PCSK5: variants seen among roughly 807,000 people sequenced by gnomAD.
PCSK5 encodes prohormone convertase 5.
PCSK5 carries 129 observed loss-of-function variants against 233.2 expected under a neutral mutation model. The observed-to-expected ratio is 0.55, with a 90% CI of 0.48 to 0.64. The LOEUF is 0.64. Ranked by LOEUF, PCSK5 falls within the 30% of genes least tolerant of loss-of-function variation. PCSK5 has a pLI of 0.00. For synonymous variants in PCSK5, 825 were observed against 879.2 expected, an observed-to-expected ratio of 0.94 and a Z score of 1.09; for missense variants, 2,076 against 2,430.1, an observed-to-expected ratio of 0.85 and a Z score of 3.06.
chr9:76,058,058 A>T (rs1362018331), intron 5 of PCSK5, among the ~76,000 whole-genome samples: 1 of 152,038 alleles, frequency 6.6e-6, no homozygotes, highest in Non-Finnish European at 1.5e-5. Context: ...CATGTTGCTT[A>T]GGCTGGTCTC....
At chr9:76,325,151 G>A (rs896864964) in intron 32 of PCSK5, among the ~76,000 whole-genome samples, 1 of 152,140 alleles carries the variant, frequency 6.6e-6, no homozygotes, top group Non-Finnish European at 1.5e-5. Flanking sequence ...GAAGAGGCGG[G>A]TGTTCGTGTG....
chr9:76,192,067 C>CAAAAAAAA (rs5898457), intron 20 of PCSK5, among the ~76,000 whole-genome samples: 15 of 101,174 alleles, frequency 1.5e-4, no homozygotes, highest in African/African-American at 2.4e-4. Flanking sequence ...AAGACTGTCT[C>CAAAAAAAA]AAAAAAAAAA....
At chr9:76,276,238 T>A (rs1360942725) in intron 24 of PCSK5, among the ~76,000 whole-genome samples, 5 of 151,976 alleles carry the variant, frequency 3.3e-5, no homozygotes, top group African/African-American at 9.7e-5. Context: ...AATAAAAAAA[T>A]AAAATAAAAT....
At chr9:76,161,444 CTTT>C (rs57216482) in intron 12 of PCSK5, among the ~76,000 whole-genome samples, 1 of 146,542 alleles carries the variant, frequency 6.8e-6, no homozygotes. Flanking sequence ...TTATTTCTTG[CTTT>C]TTTTTTTTTT....
intron 7 of PCSK5, among the ~76,000 whole-genome samples, chr9:76,087,988 G>A (rs1831132525): frequency 6.6e-6 from 1 of 152,190 alleles, no homozygotes; most frequent in Non-Finnish European, 1.5e-5. Flanking sequence ...AACTGCATTT[G>A]TATTTCCCAT....
At chr9:76,331,710 A>C (rs1423771539) in intron 33 of PCSK5, among the ~76,000 whole-genome samples, 1 of 151,998 alleles carries the variant, frequency 6.6e-6, no homozygotes, top group Non-Finnish European at 1.5e-5. Context: ...AGAGTCAGTA[A>C]TAGAAGGTGA....
intron 5 of PCSK5, among the ~76,000 whole-genome samples, chr9:76,039,449 T>G (rs1829003068): frequency 6.6e-6 from 1 of 152,176 alleles, no homozygotes. Context: ...TCAAATACAT[T>G]TGGATAGTAC....
intron 3 of PCSK5, among the ~76,000 whole-genome samples, chr9:75,997,997 G>C (rs1343453808): frequency 1.3e-5 from 2 of 152,140 alleles, no homozygotes; most frequent in Non-Finnish European, 2.9e-5. Flanking sequence ...TTCAAAATTA[G>C]TGTGTCTGAA....
chr9:76,147,090 C>A (rs1172913927), intron 10 of PCSK5, among the ~76,000 whole-genome samples: 1 of 152,126 alleles, frequency 6.6e-6, no homozygotes, highest in Non-Finnish European at 1.5e-5. Flanking sequence ...CACCTTTGTA[C>A]ACTGAGCATG....
rs532713715 is a variant in PCSK5 at position 76,293,593 on chromosome 9, G to T, written c.3185+1318G>T. 6.9e-4 allele frequency among the ~76,000 whole-genome samples: 105 copies of T among 152,290 alleles called. No individual in the cohort carries two copies. In the South Asian group the frequency reaches 7.5e-3, roughly 11 times the overall value. ...GCCTCCCTAGTAGCTGGGATTATAG[G>T]TGCACACCACCACGCCCAGCTAGTT... On this transcript the variant is annotated intron_variant, in intron 25 of 37. Transcript: ENST00000674117.
chr9:76,029,160 G>T (rs772020596), intron 5 of PCSK5, among the ~76,000 whole-genome samples: 3 of 152,070 alleles, frequency 2.0e-5, no homozygotes, highest in Non-Finnish European at 4.4e-5. Context: ...CTTAACGCAG[G>T]CCAGGCTGGG....
chr9:76,170,502 G>A (rs1823285437), intron 13 of PCSK5, among the ~76,000 whole-genome samples: 1 of 152,194 alleles, frequency 6.6e-6, no homozygotes, highest in Non-Finnish European at 1.5e-5. Context: ...AAAGTACAAG[G>A]CAACATGGGG....
At chr9:76,111,958 C>T (rs1161433186) in intron 9 of PCSK5, among the ~76,000 whole-genome samples, 1 of 152,146 alleles carries the variant, frequency 6.6e-6, no homozygotes, top group African/African-American at 2.4e-5. Context: ...AAATAACTAA[C>T]ATTCATGAAA....
chr9:76,128,082 G>A (rs1822590050), intron 9 of PCSK5, among the ~76,000 whole-genome samples: 1 of 152,194 alleles, frequency 6.6e-6, no homozygotes, highest in Non-Finnish European at 1.5e-5. Context: ...GCAGGACTTA[G>A]TCTGTGGGCC....
At chr9:76,357,617 T>C (rs71509866) in intron 37 of PCSK5, among the ~76,000 whole-genome samples, 18,502 of 152,160 alleles carry the variant, frequency 0.12, 2,430 homozygotes, top group African/African-American at 0.33. Context: ...GCTAGGAGCA[T>C]AAAACTCCAA....
At chr9:75,916,075 A>G (rs142829088) in intron 1 of PCSK5, among the ~76,000 whole-genome samples, 104 of 152,356 alleles carry the variant, frequency 6.8e-4, no homozygotes, top group Admixed American at 1.6e-3. Context: ...GTTAAGAAAG[A>G]AAATTAAAAG....
chr9:76,018,103 T>A (rs913241355), intron 3 of PCSK5, among the ~76,000 whole-genome samples: 4 of 151,224 alleles, frequency 2.6e-5, no homozygotes, highest in Non-Finnish European at 5.9e-5. Flanking sequence ...AGAAGCAGAT[T>A]TCAGATCCAT....
chr9:76,338,917 T>C (rs553022715), intron 35 of PCSK5, among the ~76,000 whole-genome samples: 1 of 152,236 alleles, frequency 6.6e-6, no homozygotes, highest in Admixed American at 6.6e-5. Context: ...TTGACTCTTC[T>C]CCTTCCCCTG....
At chr9:76,169,084 C>G (rs909816088) in intron 12 of PCSK5, among the ~76,000 whole-genome samples, 3 of 152,112 alleles carry the variant, frequency 2.0e-5, no homozygotes, top group Non-Finnish European at 4.4e-5. Context: ...CATCCATTTT[C>G]AATCTGTGAT....
Sources: allele counts gnomAD v4.1 joint callset (sites outside exome capture counted in the v4.1 genomes callset), GRCh38; gene constraint gnomAD v4.1.1; transcripts MANE v1.5; gene names NCBI Gene and HGNC (gene_info 2026-07-23, HGNC 2026-07-21).